The following CACNA2D3 variants were observed in gnomAD, a reference collection of about 807,000 sequenced individuals.
CACNA2D3 encodes the protein calcium voltage-gated channel auxiliary subunit alpha2delta 3, also known as voltage-dependent calcium channel subunit alpha-2/delta-3.
A neutral mutation model predicts 160.6 loss-of-function variants in CACNA2D3; 60 were observed. The observed-to-expected ratio is 0.37, with a 90% confidence interval of 0.30 to 0.46. The LOEUF is 0.46. CACNA2D3 is among the 20% of genes least tolerant of loss of function. The pLI is 1.00. For missense variants in CACNA2D3, 1,205 were observed against 1,365.0 expected, an observed-to-expected ratio of 0.88 and a Z score of 1.85; for synonymous variants, 558 against 492.9, an observed-to-expected ratio of 1.13 and a Z score of -1.75.
chr3:54,794,085 A>G (rs530804681), intron 13 of CACNA2D3, among the ~76,000 whole-genome samples: 5 of 152,170 alleles, frequency 3.3e-5, no homozygotes, highest in Non-Finnish European at 7.3e-5. Context: ...TCCTTGATAT[A>G]TAAGAGCAAA....
chr3:54,744,205 A>G (rs963995642), intron 11 of CACNA2D3, among the ~76,000 whole-genome samples: 3 of 152,248 alleles, frequency 2.0e-5, no homozygotes, highest in Non-Finnish European at 4.4e-5. Flanking sequence ...CAGAATGGGC[A>G]TGTAAATGAC....
intron 17 of CACNA2D3, among the ~76,000 whole-genome samples, chr3:54,851,935 G>T (rs1231430738): frequency 6.6e-6 from 1 of 152,182 alleles, no homozygotes; most frequent in African/African-American, 2.4e-5. Flanking sequence ...CCCACCAGTG[G>T]CTGTGGCCCC....
chr3:54,332,502 T>C (rs554606833), intron 3 of CACNA2D3, among the ~76,000 whole-genome samples: 3 of 152,362 alleles, frequency 2.0e-5, no homozygotes, highest in Admixed American at 6.5e-5. Flanking sequence ...TATTTACTTA[T>C]ATGCCACTTT....
At chr3:54,782,933 G>A (rs908610191) in intron 13 of CACNA2D3, among the ~76,000 whole-genome samples, 1 of 152,136 alleles carries the variant, frequency 6.6e-6, no homozygotes, top group Non-Finnish European at 1.5e-5. Context: ...TATGGGGCAG[G>A]TAAAACGCAC....
chr3:54,294,047 G>A (rs1419538104), intron 2 of CACNA2D3, among the ~76,000 whole-genome samples: 2 of 152,178 alleles, frequency 1.3e-5, no homozygotes, highest in Non-Finnish European at 2.9e-5. Flanking sequence ...TTTACATTAC[G>A]TTAAAGCTGA....
chr3:54,987,380 C>T (rs1702637393), intron 30 of CACNA2D3, among the ~76,000 whole-genome samples: 1 of 152,190 alleles, frequency 6.6e-6, no homozygotes, highest in Non-Finnish European at 1.5e-5. Context: ...TTACTACCTA[C>T]TCCATCCAAG....
At chr3:54,943,633 A>C (rs1701534263) in intron 27 of CACNA2D3, among the ~76,000 whole-genome samples, 1 of 151,748 alleles carries the variant, frequency 6.6e-6, no homozygotes. Flanking sequence ...TTTTCCTTCT[A>C]CTCATCTTAA....
intron 11 of CACNA2D3, among the ~76,000 whole-genome samples, chr3:54,701,907 C>G (rs1303924215): frequency 6.6e-6 from 1 of 152,066 alleles, no homozygotes; most frequent in East Asian, 1.9e-4. Context: ...GGTACAAAAG[C>G]AGACACAGAC....
chr3:54,497,355 A>C lies in CACNA2D3; in HGVS notation c.382-6137A>C, dbSNP rs556821016. On this transcript the variant is annotated intron_variant, in intron 4 of 37. Transcript: ENST00000474759. ...GTTTAATATACACCTATTATAGTTT[A>C]ATTGATACCTGTTTTATTCTATGCT... is the stretch of plus-strand genomic sequence containing the variant. 5.9e-5 allele frequency among the ~76,000 whole-genome samples: 9 copies of C among 152,170 alleles called. No individual in the cohort carries two copies. In the South Asian group the frequency reaches 6.2e-4, roughly 11 times the overall value.
At chr3:55,022,150 T>G (rs928383500) in intron 35 of CACNA2D3, among the ~76,000 whole-genome samples, 21 of 152,044 alleles carry the variant, frequency 1.4e-4, no homozygotes, top group Admixed American at 6.6e-5. Flanking sequence ...TTACTTACCA[T>G]GGACATCCCT....
chr3:54,164,231 G>A (rs1053539319), intron 2 of CACNA2D3, among the ~76,000 whole-genome samples: 2 of 152,186 alleles, frequency 1.3e-5, no homozygotes, highest in Non-Finnish European at 2.9e-5. Context: ...TGCCTTTCCT[G>A]TGGGGCCTGA....
At chr3:54,696,519 T>G (rs1321469565) in intron 11 of CACNA2D3, among the ~76,000 whole-genome samples, 1 of 152,206 alleles carries the variant, frequency 6.6e-6, no homozygotes, top group Middle Eastern at 3.2e-3. Flanking sequence ...TTTTTTCTCT[T>G]GTTCAGGATG....
chr3:54,514,194 G>A lies in CACNA2D3; in HGVS notation c.544+10540G>A, dbSNP rs138451546. Among the ~76,000 whole-genome samples the A allele has an allele frequency of 5.9e-3, 899 of 152,256 alleles. 9 individuals are homozygous for A. Among genetic ancestry groups the A allele is most frequent in the African/African-American group, 0.019 (803 of 41,538 alleles). The stretch of plus-strand genomic sequence containing the variant: ...AAATTCTGCATCAGAATGCCAATGG[G>A]TACCAACTGCTCACACATAGGGGAT... On this transcript the variant is annotated intron_variant, in intron 5 of 37. Transcript: ENST00000474759.
chr3:54,664,212 A>T (rs1353798554), intron 11 of CACNA2D3, among the ~76,000 whole-genome samples: 2 of 152,226 alleles, frequency 1.3e-5, no homozygotes, highest in Non-Finnish European at 2.9e-5. Flanking sequence ...TAAAGGGACC[A>T]GTGAGCATAA....
chr3:55,073,430 C>T lies in CACNA2D3; in HGVS notation c.2988-15C>T, dbSNP rs754258480. ...GGATGGTAAATGACTGCCTCGCTAC[C>T]TCTTGTTCCAACAGGTCCTTTGTCA... On this transcript the variant is annotated splice_polypyrimidine_tract_variant and intron_variant, in intron 35 of 37. Coordinates refer to ENST00000474759, the MANE Select transcript of CACNA2D3 (RefSeq NM_018398.3). 9 of 1,600,422 alleles carry T rather than the reference C, an allele frequency of 5.6e-6. No individual in the cohort carries two copies. In the South Asian group the frequency reaches 7.7e-5, roughly 14 times the overall value.
intron 3 of CACNA2D3, among the ~76,000 whole-genome samples, chr3:54,345,462 A>C (rs1434469974): frequency 6.6e-6 from 1 of 152,188 alleles, no homozygotes. Context: ...TCATAGAAGA[A>C]GATACCTAAG....
intron 2 of CACNA2D3, among the ~76,000 whole-genome samples, chr3:54,298,836 C>T (rs905486271): frequency 6.6e-6 from 1 of 150,406 alleles, no homozygotes; most frequent in Admixed American, 6.7e-5. Flanking sequence ...AAACCTGCTA[C>T]TCAGGAGATT....
At chr3:55,059,479 A>G (rs965735707) in intron 35 of CACNA2D3, among the ~76,000 whole-genome samples, 9 of 152,202 alleles carry the variant, frequency 5.9e-5, no homozygotes, top group Non-Finnish European at 1.0e-4. Flanking sequence ...CTGCTGCTCA[A>G]ACCCCTTATG....
intron 14 of CACNA2D3, among the ~76,000 whole-genome samples, chr3:54,819,191 A>G (rs1457925833): frequency 6.6e-6 from 1 of 152,188 alleles, no homozygotes; most frequent in Non-Finnish European, 1.5e-5. Context: ...TGGTGGTTCC[A>G]TTTTGGCCTT....
Sources: allele counts gnomAD v4.1 joint callset (sites outside exome capture counted in the v4.1 genomes callset), GRCh38; gene constraint gnomAD v4.1.1; transcripts MANE v1.5; gene names NCBI Gene and HGNC (gene_info 2026-07-23, HGNC 2026-07-21).